Variants in ARMH4 observed in about 807,000 individuals in gnomAD.
ARMH4 encodes the protein armadillo like helical domain containing 4, also known as armadillo-like helical domain-containing protein 4.
A neutral mutation model predicts 61.9 loss-of-function variants in ARMH4; 49 were observed. The ratio of observed to expected loss-of-function variants is 0.79; its 90% CI spans 0.63 to 1.00. The LOEUF is 1.00. ARMH4 is among the 50% of genes least tolerant of loss of function. ARMH4 has a pLI of 0.00. For synonymous variants in ARMH4, 368 were observed against 341.5 expected (o/e 1.08, Z -0.85); for missense variants, 934 against 930.0 (o/e 1.00, Z -0.06).
chr14:58,076,096 G>A (rs1181656043), intron 5 of ARMH4, among the ~76,000 whole-genome samples: 1 of 150,730 alleles, frequency 6.6e-6, no homozygotes. Context: ...AGGAAGGGGA[G>A]GGGAAGGGGG....
At chr14:58,063,457 G>A (rs896354900) in intron 5 of ARMH4, among the ~76,000 whole-genome samples, 1 of 152,148 alleles carries the variant, frequency 6.6e-6, no homozygotes, top group Non-Finnish European at 1.5e-5. Context: ...AAGGGGGAGA[G>A]TTTTTCAAGA....
intron 5 of ARMH4, among the ~76,000 whole-genome samples, chr14:58,067,127 G>T (rs1016562993): frequency 5.3e-5 from 8 of 152,198 alleles, no homozygotes; most frequent in Non-Finnish European, 8.8e-5. Context: ...GCAGGATGGG[G>T]TTTCTTCATC....
At chr14:58,148,832 G>T in intron 1 of ARMH4, among the ~76,000 whole-genome samples, 2 of 146,166 alleles carry the variant, frequency 1.4e-5, no homozygotes, top group Admixed American at 7.1e-5. Context: ...ATATTTTAAG[G>T]TTTCAGAGTT....
chr14:58,119,689 T>C (rs1443381281), intron 4 of ARMH4, among the ~76,000 whole-genome samples: 2 of 152,156 alleles, frequency 1.3e-5, no homozygotes, highest in Non-Finnish European at 2.9e-5. Flanking sequence ...TCTCTTTCTA[T>C]AGAAATATCT....
chr14:58,040,791 A>G (rs1337523893), intron 5 of ARMH4, among the ~76,000 whole-genome samples: 3 of 152,198 alleles, frequency 2.0e-5, no homozygotes, highest in Admixed American at 1.3e-4. Flanking sequence ...CCTTAACAGA[A>G]ATTCTACTTC....
At chr14:58,134,671 G>C (rs575005039) in intron 2 of ARMH4, among the ~76,000 whole-genome samples, 49 of 152,062 alleles carry the variant, frequency 3.2e-4, no homozygotes, top group Non-Finnish European at 5.7e-4. Flanking sequence ...TTTTATTAAT[G>C]ACAGGCCAGG....
rs915302073 is a variant in ARMH4 at position 58,003,716 on chromosome 14, T to G, written c.*1020A>C. On this transcript the variant is annotated 3_prime_UTR_variant, in exon 8 of 8. Coordinates refer to ENST00000267485, the MANE Select transcript of ARMH4 (RefSeq NM_001001872.4). ...CATGAGCTCTGTTGTTCACCAGGAC[T>G]CTGGCCACTGGGCAGACAAACGATA... 1 of 152,236 alleles carries G rather than the reference T, an allele frequency of 6.6e-6. No individual in the cohort carries two copies. Among genetic ancestry groups the G allele is most frequent in the Non-Finnish European group, 1.5e-5 (1 of 68,052 alleles). 9.4% of individuals were successfully genotyped at this position (152,236 alleles called of 1,614,324 possible).
At chr14:58,102,020 C>A (rs1885998535) in intron 4 of ARMH4, among the ~76,000 whole-genome samples, 1 of 152,040 alleles carries the variant, frequency 6.6e-6, no homozygotes, top group Non-Finnish European at 1.5e-5. Context: ...GCCTGCTGGG[C>A]TGGGTAGTGG....
rs868405451 is a variant in ARMH4 at position 58,142,004 on chromosome 14, A to G, written c.-56-2590T>C. Among the ~76,000 whole-genome samples, 4 of 152,308 alleles carry G rather than the reference A, an allele frequency of 2.6e-5. No individual in the cohort carries two copies. The South Asian group carries it at 6.2e-4, about 24-fold the overall frequency. The stretch of plus-strand genomic sequence containing the variant: ...TTTGAAATAAACTACTCACATTCTC[A>G]TTACAACTAAAACTATATTAAAATT... On this transcript the variant is annotated intron_variant, in intron 1 of 7. Coordinates refer to ENST00000267485, the MANE Select transcript of ARMH4 (RefSeq NM_001001872.4).
At position 58,139,067 on chromosome 14, in the gene ARMH4, G is replaced by C. The variant is rs1177981328; in HGVS notation, c.292C>G (p.Pro98Ala). 7.4e-6 allele frequency: 12 copies of C among 1,614,114 alleles called. No homozygotes were observed. Among genetic ancestry groups the C allele is most frequent in the Middle Eastern group, 1.6e-4 (1 of 6,084 alleles). ...KAFSINKETQ[P>A]GQAGLMQTER... ...GTTTGCATGAGCCCAGCTTGTCCAG[G>C]CTGGGTTTCTTTGTTAATCGAGAAT... The change falls in exon 2 of 8, where the codon CCT becomes GCT. Residue 98 changes from proline (P) to alanine (A), a missense_variant. Transcript: ENST00000267485.
At chr14:58,077,327 T>C (rs1019087819) in intron 5 of ARMH4, among the ~76,000 whole-genome samples, 1 of 152,196 alleles carries the variant, frequency 6.6e-6, no homozygotes, top group African/African-American at 2.4e-5. Flanking sequence ...GAGTAGACTG[T>C]GCGTGGTGGT....
At chr14:58,131,301 T>A (rs1179719685) in intron 4 of ARMH4, 1 of 495,552 alleles carries the variant, frequency 2.0e-6, no homozygotes, top group Non-Finnish European at 3.6e-6. Context: ...TTTTGACTTT[T>A]TTTTTCAATC....
intron 1 of ARMH4, among the ~76,000 whole-genome samples, chr14:58,139,735 T>C (rs1433025606): frequency 1.3e-5 from 2 of 152,236 alleles, no homozygotes; most frequent in Non-Finnish European, 2.9e-5. Context: ...TCCAAATTCC[T>C]CTATTAACCA....
At chr14:58,099,437 C>A (rs1008818792) in intron 4 of ARMH4, among the ~76,000 whole-genome samples, 1 of 152,090 alleles carries the variant, frequency 6.6e-6, no homozygotes, top group Non-Finnish European at 1.5e-5. Flanking sequence ...AAAGCGTCTC[C>A]AAGGGCCCGA....
intron 7 of ARMH4, 41 bp from the exon 8 acceptor site, chr14:58,004,845 A>G (rs1486757908): frequency 1.9e-6 from 3 of 1,584,400 alleles, no homozygotes; most frequent in Non-Finnish European, 2.6e-6. Context: ...TCTTTCTGCC[A>G]CAGAGCAAAG....
chr14:58,043,519 G>A (rs1360562434), intron 5 of ARMH4, among the ~76,000 whole-genome samples: 1 of 152,142 alleles, frequency 6.6e-6, no homozygotes, highest in Non-Finnish European at 1.5e-5. Context: ...GCAAAAACTG[G>A]AAGCATTCCC....
chr14:58,003,830 C>G lies in ARMH4; in HGVS notation c.*906G>C, dbSNP rs996184777. 9 of 152,222 alleles carry G rather than the reference C, an allele frequency of 5.9e-5. No individual in the cohort carries two copies. The highest frequency in any genetic ancestry group is 8.8e-5 in the Non-Finnish European group (6 of 68,042). The allele number at this position is 152,222 out of a possible 1,614,324, so 9.4% of individuals were successfully genotyped here. A position where few individuals can be genotyped will look rare whatever the true frequency, so the allele number is the denominator to read the frequency against. On this transcript the variant is annotated 3_prime_UTR_variant, in exon 8 of 8. Transcript: ENST00000267485. Reference sequence around the variant, plus strand: ...AGTCCACAGATGTGGAAATACAACACTCTGAATTAGTCACATTAGCAGCCA... The same window carrying G: ...AGTCCACAGATGTGGAAATACAACAGTCTGAATTAGTCACATTAGCAGCCA...
chr14:58,014,639 T>C (rs1214048732), intron 5 of ARMH4, among the ~76,000 whole-genome samples: 1 of 152,158 alleles, frequency 6.6e-6, no homozygotes, highest in Non-Finnish European at 1.5e-5. Flanking sequence ...CAAGATAATG[T>C]TTCCAATTTG....
At chr14:58,128,013 A>C (rs1170874877) in intron 4 of ARMH4, among the ~76,000 whole-genome samples, 1 of 152,206 alleles carries the variant, frequency 6.6e-6, no homozygotes, top group Non-Finnish European at 1.5e-5. Context: ...CAAAGCAACA[A>C]CCTTCCATTC....
Sources: gnomAD v4.1 joint callset for allele counts (sites outside exome capture counted in the v4.1 genomes callset) on GRCh38, gnomAD v4.1.1 for gene constraint, MANE v1.5 for transcripts, NCBI Gene and HGNC (gene_info 2026-07-23, HGNC 2026-07-21) for gene names.